CSPP1: variants seen among roughly 807,000 people sequenced by gnomAD.
The protein encoded by CSPP1 is centrosome and spindle pole-associated protein 1.
A neutral mutation model predicts 164.4 loss-of-function variants in CSPP1; 126 were observed. That is an observed-to-expected ratio of 0.77 (90% CI 0.66 to 0.89). The LOEUF (loss-of-function observed/expected upper bound fraction) is 0.89. Ranked by LOEUF, CSPP1 falls within the 40% of genes least tolerant of loss-of-function variation. The probability of loss-of-function intolerance (pLI) is 0.00; values close to 1 mark genes in which losing one functional copy is unlikely to be tolerated. For missense variants in CSPP1, 1,395 were observed against 1,449.8 expected, an observed-to-expected ratio of 0.96 and a Z score of 0.61; for synonymous variants, 472 against 476.7, an observed-to-expected ratio of 0.99 and a Z score of 0.13.
chr8:67,097,856 G>C (rs543374548), intron 7 of CSPP1, among the ~76,000 whole-genome samples: 12 of 151,676 alleles, frequency 7.9e-5, no homozygotes, highest in Non-Finnish European at 1.6e-4. Flanking sequence ...TTTAAGAATA[G>C]ATTAAACATG....
intron 23 of CSPP1, among the ~76,000 whole-genome samples, chr8:67,164,078 G>A (rs1181621296): frequency 6.6e-6 from 1 of 152,098 alleles, no homozygotes; most frequent in Non-Finnish European, 1.5e-5. Flanking sequence ...CAGTTTGTGC[G>A]ACTACCACTG....
At chr8:67,069,974 T>A (rs1205076924) in intron 1 of CSPP1, among the ~76,000 whole-genome samples, 1 of 152,044 alleles carries the variant, frequency 6.6e-6, no homozygotes, top group Non-Finnish European at 1.5e-5. Flanking sequence ...TAAATGACAT[T>A]TCTGTTTAAA....
intron 28 of CSPP1, among the ~76,000 whole-genome samples, chr8:67,185,335 C>A (rs1834287764): frequency 6.6e-6 from 1 of 152,176 alleles, no homozygotes; most frequent in Admixed American, 6.5e-5. Context: ...AAGATTATCA[C>A]TTTAAGATGG....
rs747965774 is a variant in CSPP1 at position 67,193,553 on chromosome 8, G to A, written c.3420G>A (p.Glu1140=). The stretch of plus-strand genomic sequence containing the variant: ...TTGATGAGCTTAGAGTGAGAAATGA[G>A]GAACGAATGCGAAGACTGAATGAAT... ...VNVDELRVRN[E]ERMRRLNEFH... is the part of the protein sequence containing the mutation. The change falls in exon 30 of 31, where the codon GAG becomes GAA. Residue 1140 remains glutamate, a synonymous_variant. Transcript: ENST00000678616. 8.7e-6 allele frequency: 14 copies of A among 1,613,724 alleles called. No homozygotes were observed. The highest frequency in any genetic ancestry group is 1.1e-5 in the Non-Finnish European group (13 of 1,179,654).
chr8:67,117,124 T>A (rs894872626), intron 13 of CSPP1, among the ~76,000 whole-genome samples: 4 of 152,188 alleles, frequency 2.6e-5, no homozygotes, highest in African/African-American at 9.6e-5. Context: ...AGTATTATAT[T>A]TTTTTCATGT....
intron 19 of CSPP1, among the ~76,000 whole-genome samples, chr8:67,155,718 G>T (rs142897815): frequency 0.027 from 4,177 of 152,236 alleles, 90 homozygotes; most frequent in Middle Eastern, 0.051. Flanking sequence ...AGCCCAGGAG[G>T]CAAAGGTTGC....
intron 24 of CSPP1, among the ~76,000 whole-genome samples, chr8:67,170,909 C>T (rs905457497): frequency 2.0e-5 from 3 of 151,828 alleles, no homozygotes; most frequent in South Asian, 4.1e-4. Context: ...GCCTCAGCCT[C>T]CTGAGTAGCT....
intron 15 of CSPP1, among the ~76,000 whole-genome samples, chr8:67,131,172 A>G (rs1434776662): frequency 1.3e-5 from 2 of 152,210 alleles, no homozygotes; most frequent in Admixed American, 1.3e-4. Context: ...AGGCAGGAAG[A>G]TCACTTGAGC....
chr8:67,075,436 C>G (rs1279956147), intron 2 of CSPP1, among the ~76,000 whole-genome samples: 1 of 152,138 alleles, frequency 6.6e-6, no homozygotes, highest in Non-Finnish European at 1.5e-5. Flanking sequence ...TATAGATACC[C>G]TGATTACAAT....
At chr8:67,067,321 A>T (rs1385202202) in intron 1 of CSPP1, among the ~76,000 whole-genome samples, 2 of 152,250 alleles carry the variant, frequency 1.3e-5, no homozygotes, top group Non-Finnish European at 2.9e-5. Context: ...TGGTCTGCTT[A>T]TATCTATATG....
At chr8:67,124,845 A>T (rs1819752184) in intron 15 of CSPP1, among the ~76,000 whole-genome samples, 1 of 151,638 alleles carries the variant, frequency 6.6e-6, no homozygotes, top group Non-Finnish European at 1.5e-5. Context: ...CTAATTTTTT[A>T]TTTTTTTAAT....
chr8:67,185,923 A>G lies in CSPP1; in HGVS notation c.3221-4727A>G, dbSNP rs914271407. Reference sequence around the variant, plus strand: ...TCAAAAAAACAGGAAAAAACTCCTAAAACACCAAAAGGACCTAGTTCTGTA... The same window carrying G: ...TCAAAAAAACAGGAAAAAACTCCTAGAACACCAAAAGGACCTAGTTCTGTA... On this transcript the variant is annotated intron_variant, in intron 28 of 30. Coordinates refer to ENST00000678616, the MANE Select transcript of CSPP1 (RefSeq NM_001382391.1). Among the ~76,000 whole-genome samples the G allele has an allele frequency of 2.6e-5, 4 of 152,280 alleles. No homozygotes were observed. In the South Asian group the frequency reaches 6.2e-4, roughly 24 times the overall value.
chr8:67,180,646 G>A (rs868750242), intron 28 of CSPP1, among the ~76,000 whole-genome samples: 1 of 152,074 alleles, frequency 6.6e-6, no homozygotes, highest in African/African-American at 2.4e-5. Flanking sequence ...TATCAGTATC[G>A]ATATCCTGGT....
chr8:67,079,452 A>T (rs1448735913), intron 3 of CSPP1, among the ~76,000 whole-genome samples: 1 of 152,198 alleles, frequency 6.6e-6, no homozygotes, highest in Non-Finnish European at 1.5e-5. Context: ...ATTCTAATGC[A>T]TAAATCTCAA....
In CSPP1 at chr8:67,095,474, A is replaced by G; in HGVS notation, c.665A>G (p.Asp222Gly). The G allele has an allele frequency of 1.2e-6, 2 of 1,613,542 alleles. No individual in the cohort carries two copies. The highest frequency in any genetic ancestry group is 1.3e-5 in the African/African-American group (1 of 74,906). The change falls in exon 7 of 31, where the codon GAT becomes GGT. Residue 222 changes from aspartate (D) to glycine (G), a missense_variant. Physicochemically the swap from Asp to Gly is moderately conservative, Grantham distance 94 (BLOSUM62 -1). Coordinates refer to ENST00000678616, the MANE Select transcript of CSPP1 (RefSeq NM_001382391.1). ...LEEDRYRQLD[D>G]EIELRNRRII... is the part of the protein sequence containing the mutation. ...GAGGACAGATACCGACAACTAGATGATGAAATCGAATTAAGGAATAGAAGA... is the reference window on the plus strand; with the variant it reads ...GAGGACAGATACCGACAACTAGATGGTGAAATCGAATTAAGGAATAGAAGA...
chr8:67,082,533 C>T (rs1030328355), intron 3 of CSPP1, among the ~76,000 whole-genome samples: 1 of 152,024 alleles, frequency 6.6e-6, no homozygotes, highest in Non-Finnish European at 1.5e-5. Context: ...TTGTAAGTCA[C>T]CCATTGTGTA....
chr8:67,085,914 A>G, intron 3 of CSPP1, 93 bp from the exon 4 acceptor site: 1 of 695,790 alleles, frequency 1.4e-6, no homozygotes, highest in Non-Finnish European at 2.6e-6. Flanking sequence ...AATAAGCATA[A>G]TTCTGTTCCT....
rs113988571 is a variant in CSPP1 at position 67,095,815 on chromosome 8, A to G, written c.923+83A>G. 16,907 of 819,070 alleles carry G rather than the reference A, an allele frequency of 0.021. 531 individuals carry two copies. Among genetic ancestry groups the G allele is most frequent in the African/African-American group, 0.081 (4,619 of 57,316 alleles). The allele number at this position is 819,070 out of a possible 1,614,324, so 50.7% of individuals were successfully genotyped here. ...TTTGCTGTTGTTACTTTTTATCATT[A>G]TACTAGGGAGAAGCAGTTTTGATTT... On this transcript the variant is annotated intron_variant, in intron 7 of 30. Transcript: ENST00000678616.
chr8:67,190,523 G>A (rs1170390245), intron 28 of CSPP1, 127 bp from the exon 29 acceptor site: 1 of 688,596 alleles, frequency 1.5e-6, no homozygotes, highest in Non-Finnish European at 2.6e-6. Context: ...AACTGTGTAT[G>A]TACATACATT....
Sources: allele counts gnomAD v4.1 joint callset (sites outside exome capture counted in the v4.1 genomes callset), GRCh38; gene constraint gnomAD v4.1.1; transcripts MANE v1.5; gene names NCBI Gene and HGNC (gene_info 2026-07-23, HGNC 2026-07-21).